HDAC9: variants seen among roughly 807,000 people sequenced by gnomAD.
HDAC9 encodes histone deacetylase 9.
A neutral mutation model predicts 139.4 loss-of-function variants in HDAC9; 41 were observed. The ratio of observed to expected loss-of-function variants is 0.29; its 90% CI spans 0.23 to 0.38. The LOEUF (loss-of-function observed/expected upper bound fraction) is 0.38. Among genes scored for constraint, HDAC9 ranks in the 10% least tolerant of loss-of-function variants. The pLI is 1.00. For missense variants in HDAC9, 1,147 were observed against 1,297.0 expected (o/e 0.88, Z 1.78); for synonymous variants, 517 against 476.2 (o/e 1.09, Z -1.12).
intron 1 of HDAC9, among the ~76,000 whole-genome samples, chr7:18,368,572 C>T (rs1199805931): frequency 6.6e-6 from 1 of 151,870 alleles, no homozygotes; most frequent in Admixed American, 6.6e-5. Context: ...AAAAAACCCC[C>T]AAGGTTTATA....
chr7:18,415,366 TAGG>T (rs1053915368), intron 1 of HDAC9, among the ~76,000 whole-genome samples: 9 of 152,214 alleles, frequency 5.9e-5, no homozygotes, highest in Admixed American at 5.9e-4. Flanking sequence ...TAGCTACTGT[TAGG>T]AGCCTCTCAG....
At chr7:18,252,383 A>G (rs1158549828) in intron 2 of HDAC9, among the ~76,000 whole-genome samples, 1 of 152,218 alleles carries the variant, frequency 6.6e-6, no homozygotes, top group Non-Finnish European at 1.5e-5. Flanking sequence ...AACATCACAC[A>G]TGTAAATCTT....
intron 25 of HDAC9, among the ~76,000 whole-genome samples, chr7:18,992,016 T>C (rs142734562): frequency 6.6e-6 from 1 of 152,368 alleles, no homozygotes; most frequent in East Asian, 1.9e-4. Flanking sequence ...TAAGTATTGC[T>C]AGCATGGGTG....
intron 2 of HDAC9, among the ~76,000 whole-genome samples, chr7:18,204,900 T>C (rs2731554): frequency 0.67 from 101,241 of 151,802 alleles, 34,905 homozygotes; most frequent in South Asian, 0.85. Context: ...GTAAAAGTTA[T>C]ATTATTTTGT....
chr7:18,459,606 A>C (rs1000144913), intron 1 of HDAC9, among the ~76,000 whole-genome samples: 4 of 152,104 alleles, frequency 2.6e-5, no homozygotes, highest in Admixed American at 2.6e-4. Context: ...TTGCCAGTAA[A>C]TCGTCCTGCC....
chr7:18,316,899 C>A (rs1293002353), intron 1 of HDAC9, among the ~76,000 whole-genome samples: 1 of 151,614 alleles, frequency 6.6e-6, no homozygotes, highest in Non-Finnish European at 1.5e-5. Flanking sequence ...CGAGACCATC[C>A]TGGCTAACAC....
In HDAC9 at chr7:18,732,847, G is replaced by A. The variant is rs572463401; in HGVS notation, c.1909+5090G>A. Reference sequence around the variant, plus strand: ...TATGTGTGCGTATGTGTACACACACGTGTGTATGTGTGCGTATGTGTACAC... The same window carrying A: ...TATGTGTGCGTATGTGTACACACACATGTGTATGTGTGCGTATGTGTACAC... On this transcript the variant is annotated intron_variant, in intron 13 of 25. Transcript: ENST00000686413. Among the ~76,000 whole-genome samples, 268 of 56,120 alleles carry A rather than the reference G, an allele frequency of 4.8e-3. 18 individuals are homozygous for A. Among genetic ancestry groups the A allele is most frequent in the Non-Finnish European group, 5.3e-3 (154 of 29,122 alleles). The allele number at this position is 56,120 out of a possible 152,430, so 36.8% of individuals were successfully genotyped here. A position where few individuals can be genotyped will look rare whatever the true frequency, so the allele number is the denominator to read the frequency against.
intron 1 of HDAC9, among the ~76,000 whole-genome samples, chr7:18,153,812 A>G (rs1584356700): frequency 6.6e-6 from 1 of 152,160 alleles, no homozygotes; most frequent in African/African-American, 2.4e-5. Flanking sequence ...ATCTTTGGGC[A>G]ATGGCCCTGG....
At chr7:18,863,455 T>G (rs117865790) in intron 21 of HDAC9, among the ~76,000 whole-genome samples, 2,371 of 152,304 alleles carry the variant, frequency 0.016, 31 homozygotes, top group Non-Finnish European at 0.022. Flanking sequence ...GGATTTTATT[T>G]TTTAGTTCAT....
intron 12 of HDAC9, among the ~76,000 whole-genome samples, chr7:18,685,724 G>C (rs1460974342): frequency 1.3e-5 from 2 of 152,036 alleles, no homozygotes; most frequent in Non-Finnish European, 2.9e-5. Flanking sequence ...GGGGGGTGGG[G>C]TGAGATGGAA....
At chr7:18,944,672 T>C (rs1782250533) in intron 23 of HDAC9, among the ~76,000 whole-genome samples, 1 of 152,118 alleles carries the variant, frequency 6.6e-6, no homozygotes, top group African/African-American at 2.4e-5. Flanking sequence ...TAATGTCAGC[T>C]CTATCTCTAT....
intron 2 of HDAC9, among the ~76,000 whole-genome samples, chr7:18,526,738 A>C (rs1023345287): frequency 6.6e-6 from 1 of 152,196 alleles, no homozygotes; most frequent in African/African-American, 2.4e-5. Context: ...AGGATAGCCT[A>C]CATAACTTAA....
intron 21 of HDAC9, among the ~76,000 whole-genome samples, chr7:18,859,810 T>A (rs1228273520): frequency 4.7e-5 from 3 of 63,854 alleles, no homozygotes; most frequent in Non-Finnish European, 9.2e-5. Flanking sequence ...GCTAACGCTC[T>A]CATATATATA....
intron 16 of HDAC9, among the ~76,000 whole-genome samples, chr7:18,781,294 G>C (rs1791228316): frequency 6.6e-6 from 1 of 151,998 alleles, no homozygotes; most frequent in Non-Finnish European, 1.5e-5. Flanking sequence ...AGTCCATAAC[G>C]ATATTAATGT....
At chr7:18,351,902 A>G (rs1182160747) in intron 1 of HDAC9, among the ~76,000 whole-genome samples, 1 of 152,224 alleles carries the variant, frequency 6.6e-6, no homozygotes, top group South Asian at 2.1e-4. Flanking sequence ...AAAAAATTTG[A>G]ATTGACGGTG....
chr7:18,174,300 A>G (rs181264322), intron 2 of HDAC9, among the ~76,000 whole-genome samples: 1 of 152,236 alleles, frequency 6.6e-6, no homozygotes, highest in East Asian at 1.9e-4. Flanking sequence ...CAGCTCCATC[A>G]GGTCATTTAA....
Position 18,867,912 on chromosome 7 carries a change from G to A in HDAC9, c.2685-6566G>A, listed in dbSNP as rs377197105. 7.9e-5 allele frequency among the ~76,000 whole-genome samples: 12 copies of A among 151,940 alleles called. No individual in the cohort carries two copies. The East Asian group carries it at 1.4e-3, about 17-fold the overall frequency. ...TTCTTCAATTTTATTTCTTCAGATC[G>A]TCTACTAATTTTTTAAGTTATGCAA... On this transcript the variant is annotated intron_variant, in intron 21 of 25. Transcript: ENST00000686413.
intron 13 of HDAC9, among the ~76,000 whole-genome samples, chr7:18,748,605 T>A (rs1788180778): frequency 6.6e-6 from 1 of 152,196 alleles, no homozygotes; most frequent in Non-Finnish European, 1.5e-5. Flanking sequence ...GACAGCTTGT[T>A]TAGTGGCTCC....
At chr7:18,717,521 C>T (rs945377080) in intron 12 of HDAC9, among the ~76,000 whole-genome samples, 6 of 151,434 alleles carry the variant, frequency 4.0e-5, no homozygotes, top group Non-Finnish European at 7.4e-5. Context: ...AACCTCCGCC[C>T]CCCAGGTTCA....
Sources: allele counts gnomAD v4.1 joint callset (sites outside exome capture counted in the v4.1 genomes callset), GRCh38; gene constraint gnomAD v4.1.1; transcripts MANE v1.5; gene names NCBI Gene and HGNC (gene_info 2026-07-23, HGNC 2026-07-21).